Variants in TRMT13 observed in about 807,000 individuals in gnomAD.
The protein encoded by TRMT13 is tRNA:m(4)X modification enzyme TRM13 homolog.
A neutral mutation model predicts 55.9 loss-of-function variants in TRMT13; 45 were observed. The ratio of observed to expected loss-of-function variants is 0.80; its 90% confidence interval spans 0.63 to 1.03. TRMT13 has a LOEUF of 1.03. Among genes scored for constraint, TRMT13 ranks in the 50% least tolerant of loss-of-function variants. The pLI, the probability that TRMT13 is intolerant of heterozygous loss-of-function variation, is 0.00. For missense variants in TRMT13, 513 were observed against 563.9 expected, an observed-to-expected ratio of 0.91 and a Z score of 0.91; for synonymous variants, 183 against 196.3, an observed-to-expected ratio of 0.93 and a Z score of 0.57.
chr1:100,143,991 A>G (rs988664455), intron 8 of TRMT13, 78 bp from the exon 9 acceptor site: 4 of 1,215,050 alleles, frequency 3.3e-6, no homozygotes, highest in Non-Finnish European at 4.8e-6. Context: ...CAGAGACTCT[A>G]ATTAGTTCTT....
intron 8 of TRMT13, 137 bp from the exon 9 acceptor site, chr1:100,143,932 G>C (rs982267882): frequency 4.5e-6 from 3 of 674,132 alleles, no homozygotes; most frequent in Middle Eastern, 3.8e-4. Flanking sequence ...TTATATGTTG[G>C]GTTCCATAAA....
Position 100,148,316 on chromosome 1 carries a change from T to G in TRMT13, c.1240T>G (p.Cys414Gly), listed in dbSNP as rs759965127. Residue 414 changes from cysteine to glycine, a missense_variant, in exon 10 of 11, where the codon TGT (cysteine) becomes GGT (glycine). By Grantham distance (159) the Cys-to-Gly change is radical. This residue lies in a region of TRMT13 where 209 missense variants were observed against 255.8 expected (regional missense o/e 0.82). Transcript: ENST00000370141. ...GYRITDDGAD[C>G]LPGLLSVEEK... Reference sequence around the variant, plus strand: ...CAGAATCACAGATGATGGCGCTGATTGTTTGCCTGGGTAAGAGACTACTTT... The same window carrying G: ...CAGAATCACAGATGATGGCGCTGATGGTTTGCCTGGGTAAGAGACTACTTT... 1.2e-6 allele frequency: 2 copies of G among 1,612,570 alleles called. No homozygotes were observed. Among genetic ancestry groups the G allele is most frequent in the Admixed American group, 3.3e-5 (2 of 59,996 alleles).
In TRMT13 at chr1:100,133,246, G is replaced by A. The variant is rs764046723; in HGVS notation, c.78G>A (p.Lys26=). Residue 26 remains lysine (K), a synonymous_variant, in exon 1 of 11, where the codon AAG becomes AAA. Coordinates refer to ENST00000370141, the MANE Select transcript of TRMT13 (RefSeq NM_019083.3). ...EGRCGYYVEK[K]KRFCRMVVAA... Reference sequence around the variant, plus strand: ...GATGCGGTTACTATGTGGAAAAGAAGAAACGGTTCTGCAGGATGGTGGTGG... The same window carrying A: ...GATGCGGTTACTATGTGGAAAAGAAAAAACGGTTCTGCAGGATGGTGGTGG... 1 of 1,614,154 alleles carries A rather than the reference G, an allele frequency of 6.2e-7. No individual in the cohort carries two copies. The highest frequency in any genetic ancestry group is 8.5e-7 in the Non-Finnish European group (1 of 1,180,000).
intron 7 of TRMT13, among the ~76,000 whole-genome samples, chr1:100,141,412 C>T (rs1656606248): frequency 6.6e-6 from 1 of 152,192 alleles, no homozygotes; most frequent in Non-Finnish European, 1.5e-5. Context: ...TCACTGCAGC[C>T]TTGACCTCCT....
At position 100,148,104 on chromosome 1, in the gene TRMT13, G is replaced by C; in HGVS notation, c.1028G>C (p.Arg343Thr). ...ALCCHHRCDW[R>T]HYVGKEYFRA... Reference sequence around the variant, plus strand: ...TGTTGTCACCACAGGTGTGATTGGAGACATTATGTGGGCAAAGAATATTTC... The same window carrying C: ...TGTTGTCACCACAGGTGTGATTGGACACATTATGTGGGCAAAGAATATTTC... Residue 343 changes from arginine (R) to threonine (T), a missense_variant, in exon 10 of 11, where the codon AGA (arginine) becomes ACA (threonine). Arg to Thr is a moderately conservative substitution (Grantham distance 71). This residue lies in a region of TRMT13 where 209 missense variants were observed against 255.8 expected (regional missense o/e 0.82). Coordinates refer to ENST00000370141, the MANE Select transcript of TRMT13 (RefSeq NM_019083.3). 1 of 1,614,214 alleles carries C rather than the reference G, an allele frequency of 6.2e-7. No homozygotes were observed. Among genetic ancestry groups the C allele is most frequent in the Non-Finnish European group, 8.5e-7 (1 of 1,180,040 alleles).
chr1:100,142,940 T>C, intron 7 of TRMT13, 197 bp from the exon 8 acceptor site: 1 of 545,096 alleles, frequency 1.8e-6, no homozygotes, highest in East Asian at 3.0e-5. Flanking sequence ...ATAATGTCTA[T>C]GTAATAATTG....
Position 100,140,450 on chromosome 1 carries a change from C to T in TRMT13, c.437C>T (p.Ala146Val), listed in dbSNP as rs756075541. ...TLKDHIMSHP[A>V]LHDALNDPKN... is the part of the protein sequence containing the mutation. ...AAAGATCATATTATGTCCCATCCAG[C>T]ATTACACGATGCACTTAATGACCCT... is the stretch of plus-strand genomic sequence containing the variant. The change falls in exon 6 of 11, where the codon GCA becomes GTA. Residue 146 changes from alanine to valine, a missense_variant. Physicochemically the swap from Ala to Val is moderately conservative, Grantham distance 64. Transcript: ENST00000370141. The T allele has an allele frequency of 6.2e-7, 1 of 1,613,972 alleles. No homozygotes were observed. The highest frequency in any genetic ancestry group is 1.1e-5 in the South Asian group (1 of 91,064).
chr1:100,140,955 T>C lies in TRMT13; in HGVS notation c.605T>C (p.Ile202Thr), dbSNP rs1408411987. 5.0e-6 allele frequency: 8 copies of C among 1,613,818 alleles called. No homozygotes were observed. Among genetic ancestry groups the C allele is most frequent in the Admixed American group, 3.3e-5 (2 of 60,016 alleles). The stretch of plus-strand genomic sequence containing the variant: ...GGAAAATTATCTCATTGGGTTGATA[T>C]TGCCTTAAAAGATGCTGAAAAAGTT... ...GKGKLSHWVD[I>T]ALKDAEKVHF... The change falls in exon 7 of 11, where the codon ATT (isoleucine) becomes ACT (threonine). Residue 202 changes from isoleucine (I) to threonine (T), a missense_variant. Ile to Thr is a moderately conservative substitution (Grantham distance 89). This residue lies in a region of TRMT13 where 298 missense variants were observed against 290.3 expected (regional missense o/e 1.03). Coordinates refer to ENST00000370141, the MANE Select transcript of TRMT13 (RefSeq NM_019083.3).
chr1:100,144,660 T>G, intron 9 of TRMT13: 1 of 152,332 alleles, frequency 6.6e-6, no homozygotes, highest in East Asian at 1.9e-4. Flanking sequence ...TAGAATCAGA[T>G]AGTCTAGCCT....
At chr1:100,137,396 C>T (rs1278448360) in intron 3 of TRMT13, among the ~76,000 whole-genome samples, 3 of 152,126 alleles carry the variant, frequency 2.0e-5, no homozygotes, top group Admixed American at 6.5e-5. Context: ...GGGGTTCTCG[C>T]TGTGTTGCCC....
intron 1 of TRMT13, among the ~76,000 whole-genome samples, chr1:100,135,984 T>C (rs867380105): frequency 6.6e-6 from 1 of 152,202 alleles, no homozygotes; most frequent in African/African-American, 2.4e-5. Flanking sequence ...TATGGTAACA[T>C]GCTGTACAGG....
chr1:100,136,852 T>C, intron 1 of TRMT13, 30 bp from the exon 2 acceptor site: 2 of 1,538,812 alleles, frequency 1.3e-6, no homozygotes, highest in Non-Finnish European at 1.8e-6. Context: ...TGATATTTTA[T>C]TTAAATAAAT....
intron 4 of TRMT13, 82 bp downstream of exon 4, chr1:100,139,793 TTG>T: frequency 1.1e-6 from 1 of 891,826 alleles, no homozygotes; most frequent in Middle Eastern, 3.6e-4. Flanking sequence ...GTTCTAATTT[TTG>T]TCTCAAGTCT....
intron 6 of TRMT13, 85 bp from the exon 7 acceptor site, chr1:100,140,760 ATACTGCC>A: frequency 8.1e-7 from 1 of 1,241,866 alleles, no homozygotes. Context: ...CAATGTAAGC[ATACTGCC>A]TTATGCAGAA....
At chr1:100,140,607 T>C (rs1351882081) in intron 6 of TRMT13, 93 bp downstream of exon 6, 5 of 1,072,190 alleles carry the variant, frequency 4.7e-6, no homozygotes. Flanking sequence ...TTATTTTGTT[T>C]ACCTTTGAGG....
intron 1 of TRMT13, among the ~76,000 whole-genome samples, chr1:100,135,255 T>C (rs1198094718): frequency 6.6e-6 from 1 of 152,236 alleles, no homozygotes; most frequent in African/African-American, 2.4e-5. Context: ...TGCTTTTTTT[T>C]TCCTATGCTA....
At chr1:100,135,524 G>A (rs1655715478) in intron 1 of TRMT13, among the ~76,000 whole-genome samples, 1 of 152,168 alleles carries the variant, frequency 6.6e-6, no homozygotes, top group Non-Finnish European at 1.5e-5. Flanking sequence ...TCTATGTACA[G>A]CACTGGGCTA....
chr1:100,148,874 A>G lies in TRMT13; in HGVS notation c.*54A>G. The G allele has an allele frequency of 2.5e-6, 3 of 1,177,034 alleles. No homozygotes were observed. The highest frequency in any genetic ancestry group is 2.2e-6 in the Non-Finnish European group (2 of 904,790). 72.9% of individuals were successfully genotyped at this position (1,177,034 alleles called of 1,614,324 possible). On this transcript the variant is annotated 3_prime_UTR_variant, in exon 11 of 11. Transcript: ENST00000370141. ...TTCCACCAAAAAAAATTTTTTAATTATATTTTTATATCAAAAAAATATATA... is the reference window on the plus strand; with the variant it reads ...TTCCACCAAAAAAAATTTTTTAATTGTATTTTTATATCAAAAAAATATATA...
intron 4 of TRMT13, among the ~76,000 whole-genome samples, 199 bp from the exon 5 acceptor site, chr1:100,139,983 A>G (rs1446146125): frequency 1.3e-5 from 2 of 152,162 alleles, no homozygotes; most frequent in African/African-American, 4.8e-5. Flanking sequence ...AAGTTAGGAA[A>G]ATTAAAGTAG....
Sources: allele counts gnomAD v4.1 joint callset (sites outside exome capture counted in the v4.1 genomes callset), GRCh38; gene constraint gnomAD v4.1.1; regional missense constraint gnomAD v4.1.1; transcripts MANE v1.5; gene names NCBI Gene and HGNC (gene_info 2026-07-23, HGNC 2026-07-21).